TRIO: variants seen among roughly 807,000 people sequenced by gnomAD.
The protein encoded by TRIO is trio Rho guanine nucleotide exchange factor.
In TRIO, 58 loss-of-function variants were observed where a neutral mutation model predicts 351.9. The observed-to-expected ratio is 0.16, with a 90% CI of 0.13 to 0.21. The LOEUF is 0.21. TRIO is among the 10% of genes least tolerant of loss of function. The pLI, the probability that TRIO is intolerant of heterozygous loss-of-function variation, is 1.00. For missense variants in TRIO, 3,201 were observed against 4,027.8 expected, an observed-to-expected ratio of 0.79 and a Z score of 5.56; for synonymous variants, 1,758 against 1,595.7, an observed-to-expected ratio of 1.10 and a Z score of -2.42.
intron 11 of TRIO, among the ~76,000 whole-genome samples, chr5:14,356,866 G>GAAA (rs35878008): frequency 1.5e-4 from 22 of 151,072 alleles, no homozygotes; most frequent in Non-Finnish European, 3.1e-4. Flanking sequence ...AAGCTGGACA[G>GAAA]AAAAAAAAAG....
rs561377965 is a variant in TRIO at position 14,474,593 on chromosome 5, C to T, written c.6083+496C>T. Among the ~76,000 whole-genome samples, 9 of 152,298 alleles carry T rather than the reference C, an allele frequency of 5.9e-5. No homozygotes were observed. In the South Asian group the frequency reaches 1.9e-3, roughly 32 times the overall value. On this transcript the variant is annotated intron_variant, in intron 40 of 56. Transcript: ENST00000344204. ...CTTCAAGTATTTCTAACTAGAATTG[C>T]AGCCATCTTTAGAATAAATACAAGT...
At chr5:14,470,461 A>G (rs1754602437) in intron 37 of TRIO, among the ~76,000 whole-genome samples, 1 of 152,258 alleles carries the variant, frequency 6.6e-6, no homozygotes, top group Non-Finnish European at 1.5e-5. Flanking sequence ...TAAAAGAACT[A>G]TAAATCTTAT....
At chr5:14,472,515 T>G in intron 38 of TRIO, 77 bp from the exon 39 acceptor site, 1 of 1,491,036 alleles carries the variant, frequency 6.7e-7, no homozygotes, top group Non-Finnish European at 9.3e-7. Flanking sequence ...AAGGAGTCCA[T>G]CTTGACCAGG....
chr5:14,280,446 G>C lies in TRIO; in HGVS notation c.347+10G>C, dbSNP rs776145357. 1 of 1,608,674 alleles carries C rather than the reference G, an allele frequency of 6.2e-7. No homozygotes were observed. The highest frequency in any genetic ancestry group is 1.7e-5 in the Admixed American group (1 of 60,002). The stretch of plus-strand genomic sequence containing the variant: ...TAGCCTGTATTCCCAGGTAAGTTCT[G>C]TGTGGCTTGTGCTTGTCACTGATGT... On this transcript the variant is annotated intron_variant, in intron 3 of 56. Transcript: ENST00000344204.
At chr5:14,248,893 G>A (rs1794590119) in intron 1 of TRIO, among the ~76,000 whole-genome samples, 1 of 152,176 alleles carries the variant, frequency 6.6e-6, no homozygotes, top group South Asian at 2.1e-4. Context: ...GTACTTCTGG[G>A]GTTTGATTCC....
intron 34 of TRIO, among the ~76,000 whole-genome samples, chr5:14,432,207 C>T (rs1340130394): frequency 1.3e-5 from 2 of 152,190 alleles, no homozygotes; most frequent in Non-Finnish European, 2.9e-5. Context: ...CCATTATCAT[C>T]CCCATTTTAG....
In TRIO at chr5:14,262,081, T is replaced by G. The variant is rs141948683; in HGVS notation, c.158-8744T>G. On this transcript the variant is annotated intron_variant, in intron 1 of 56. Transcript: ENST00000344204. Reference sequence around the variant, plus strand: ...CTATCTTGAGGTTTAACTAGCTGGGTGTTAAGTTCATGCTCTGCGCCATGG... The same window carrying G: ...CTATCTTGAGGTTTAACTAGCTGGGGGTTAAGTTCATGCTCTGCGCCATGG... Among the ~76,000 whole-genome samples, 568 of 152,110 alleles carry G rather than the reference T, an allele frequency of 3.7e-3. 4 individuals are homozygous for G. Among genetic ancestry groups the G allele is most frequent in the African/African-American group, 0.013 (539 of 41,472 alleles).
At chr5:14,389,201 A>G in intron 24 of TRIO, 88 bp from the exon 25 acceptor site, 1 of 971,204 alleles carries the variant, frequency 1.0e-6, no homozygotes, top group Middle Eastern at 2.1e-4. Flanking sequence ...TTATACATTA[A>G]CTCTGTGTGT....
rs1011818148 is a variant in TRIO, at chr5:14,363,986, C to T, written c.2587+59C>T. ...ATTTCTTCATGTCGTCATGGCAATT[C>T]GGCTTATTTCAGTGGGATGACTGCA... On this transcript the variant is annotated intron_variant, in intron 14 of 56. Coordinates refer to ENST00000344204, the MANE Select transcript of TRIO (RefSeq NM_007118.4). 2.2e-5 allele frequency: 34 copies of T among 1,530,608 alleles called. No individual in the cohort carries two copies. In the South Asian group the frequency reaches 2.4e-4, roughly 11 times the overall value. 94.8% of individuals were successfully genotyped at this position (1,530,608 alleles called of 1,614,324 possible).
At chr5:14,359,646 A>C (rs2152337096) in intron 13 of TRIO, 115 bp downstream of exon 13, 2 of 1,231,392 alleles carry the variant, frequency 1.6e-6, no homozygotes, top group Non-Finnish European at 2.2e-6. Context: ...CCCACACCCC[A>C]ACCCTCTGCA....
In TRIO at chr5:14,364,823, A is replaced by C. The variant is rs778353438; in HGVS notation, c.2754+7A>C. ...GCAGGCAGAAGTGAAACAGGTGAGC[A>C]AACGACTGGATGCTTGGGGAGGCTG... On this transcript the variant is annotated splice_region_variant and intron_variant, in intron 15 of 56. Coordinates refer to ENST00000344204, the MANE Select transcript of TRIO (RefSeq NM_007118.4). 2.5e-6 allele frequency: 4 copies of C among 1,605,938 alleles called. No individual in the cohort carries two copies. Among genetic ancestry groups the C allele is most frequent in the Non-Finnish European group, 3.4e-6 (4 of 1,176,790 alleles).
chr5:14,347,809 G>T (rs1034626274), intron 11 of TRIO, among the ~76,000 whole-genome samples: 5 of 152,176 alleles, frequency 3.3e-5, no homozygotes, highest in Admixed American at 1.3e-4. Flanking sequence ...TGGAAGGTGT[G>T]TGTATCAAAT....
At chr5:14,425,452 C>G (rs1267952184) in intron 34 of TRIO, among the ~76,000 whole-genome samples, 1 of 152,246 alleles carries the variant, frequency 6.6e-6, no homozygotes, top group Non-Finnish European at 1.5e-5. Context: ...CAACATTCAT[C>G]TGCTGATGGG....
At chr5:14,456,423 A>G (rs533416312) in intron 34 of TRIO, among the ~76,000 whole-genome samples, 22 of 152,312 alleles carry the variant, frequency 1.4e-4, no homozygotes, top group Admixed American at 1.3e-4. Context: ...TCACCTCTCA[A>G]TGTGATCATG....
intron 14 of TRIO, 116 bp downstream of exon 14, chr5:14,364,043 T>A (rs1744384538): frequency 1.0e-6 from 1 of 965,310 alleles, no homozygotes; most frequent in Admixed American, 2.9e-5. Context: ...AAAGGTATTA[T>A]AGATACCTGT....
intron 11 of TRIO, among the ~76,000 whole-genome samples, chr5:14,346,632 A>C (rs191923606): frequency 6.6e-6 from 1 of 152,356 alleles, no homozygotes; most frequent in East Asian, 1.9e-4. Flanking sequence ...AAAGTGAATG[A>C]ACAAGTTATA....
At chr5:14,366,762 G>A (rs1432113826) in intron 15 of TRIO, 98 bp from the exon 16 acceptor site, 19 of 1,528,718 alleles carry the variant, frequency 1.2e-5, no homozygotes, top group Non-Finnish European at 1.7e-5. Flanking sequence ...CCTGCCAGGA[G>A]CAACTGGACT....
chr5:14,461,781 T>G (rs1753829756), intron 35 of TRIO, among the ~76,000 whole-genome samples: 1 of 152,236 alleles, frequency 6.6e-6, no homozygotes, highest in East Asian at 1.9e-4. Flanking sequence ...GTGTTTGCAC[T>G]TTCCAATTGT....
In TRIO at chr5:14,404,816, C is replaced by T. The variant is rs772041148; in HGVS notation, c.4717-1032C>T. Among the ~76,000 whole-genome samples, 14 of 152,122 alleles carry T rather than the reference C, an allele frequency of 9.2e-5. 1 individual carries two copies. Among genetic ancestry groups the T allele is most frequent in the Admixed American group, 2.6e-4 (4 of 15,274 alleles). On this transcript the variant is annotated intron_variant, in intron 31 of 56. Transcript: ENST00000344204. The stretch of plus-strand genomic sequence containing the variant: ...TTAAAGACAGGTCCTCTGGTTAAAA[C>T]GGTTTCTGTAGAAAGAGGATGATCA...
Sources: gnomAD v4.1 joint callset for allele counts (sites outside exome capture counted in the v4.1 genomes callset) on GRCh38, gnomAD v4.1.1 for gene constraint, MANE v1.5 for transcripts, NCBI Gene and HGNC (gene_info 2026-07-23, HGNC 2026-07-21) for gene names.